Variants in SYNE1 observed in about 807,000 individuals in gnomAD.
SYNE1 encodes the protein nesprin-1.
A neutral mutation model predicts 1,111.0 loss-of-function variants in SYNE1; 616 were observed. The ratio of observed to expected loss-of-function variants is 0.55; its 90% CI spans 0.52 to 0.59. SYNE1 has a LOEUF of 0.59. Ranked by LOEUF, SYNE1 falls within the 20% of genes least tolerant of loss-of-function variation. The pLI is 0.00. For missense variants in SYNE1, 10,006 were observed against 10,417.0 expected, an observed-to-expected ratio of 0.96 and a Z score of 1.72; for synonymous variants, 3,855 against 3,825.8, an observed-to-expected ratio of 1.01 and a Z score of -0.28.
intron 3 of SYNE1, among the ~76,000 whole-genome samples, chr6:152,611,599 G>C (rs2099631565): frequency 6.6e-6 from 1 of 152,090 alleles, no homozygotes; most frequent in African/African-American, 2.4e-5. Flanking sequence ...GAGACAGAAG[G>C]TTAACAAGGA....
chr6:152,535,381 C>T lies in SYNE1; in HGVS notation c.129+4579G>A, dbSNP rs2099229836. Among the ~76,000 whole-genome samples the T allele has an allele frequency of 2.6e-5, 4 of 152,154 alleles. No homozygotes were observed. The South Asian group carries it at 8.3e-4, about 32-fold the overall frequency. On this transcript the variant is annotated intron_variant, in intron 4 of 145. Coordinates refer to ENST00000367255, the MANE Select transcript of SYNE1 (RefSeq NM_182961.4). The stretch of plus-strand genomic sequence containing the variant: ...CTGAAAAGTGAGAAGATGCTCATAT[C>T]ATGCCTGAGTTCATCCCAAACACAG...
intron 67 of SYNE1, among the ~76,000 whole-genome samples, 173 bp from the exon 68 acceptor site, chr6:152,353,917 G>C (rs758895913): frequency 9.2e-5 from 14 of 152,146 alleles, no homozygotes; most frequent in Non-Finnish European, 1.6e-4. Context: ...ACAACAATGT[G>C]ATACAAACTG....
chr6:152,131,449 T>C (rs374832743), intron 144 of SYNE1, among the ~76,000 whole-genome samples: 2 of 151,562 alleles, frequency 1.3e-5, no homozygotes, highest in African/African-American at 4.8e-5. Context: ...ATGGAATGAA[T>C]ATAATCATAA....
chr6:152,169,028 G>A (rs2064405496), intron 130 of SYNE1, among the ~76,000 whole-genome samples: 1 of 151,938 alleles, frequency 6.6e-6, no homozygotes, highest in Non-Finnish European at 1.5e-5. Flanking sequence ...AAGAAAATAA[G>A]TCCCCAAATT....
intron 14 of SYNE1, among the ~76,000 whole-genome samples, chr6:152,473,305 A>T (rs1463563076): frequency 2.6e-5 from 4 of 152,206 alleles, no homozygotes; most frequent in African/African-American, 9.6e-5. Context: ...GACCACCAAA[A>T]TAATACATTA....
chr6:152,456,402 A>G (rs1043255516), intron 22 of SYNE1, among the ~76,000 whole-genome samples: 9 of 152,126 alleles, frequency 5.9e-5, no homozygotes, highest in African/African-American at 2.2e-4. Context: ...TGAGAGAACA[A>G]TCATGAAATC....
intron 108 of SYNE1, among the ~76,000 whole-genome samples, chr6:152,238,220 A>G (rs780756075): frequency 6.6e-5 from 10 of 152,198 alleles, no homozygotes; most frequent in Non-Finnish European, 1.0e-4. Context: ...TGGTGTCATC[A>G]GGTAAGTTTC....
At chr6:152,418,934 G>T (rs2098211032) in intron 40 of SYNE1, among the ~76,000 whole-genome samples, 1 of 152,072 alleles carries the variant, frequency 6.6e-6, no homozygotes. Flanking sequence ...CCCTCCTGAA[G>T]CCCCAGCCCC....
intron 34 of SYNE1, among the ~76,000 whole-genome samples, chr6:152,431,509 A>C (rs1479907301): frequency 1.3e-5 from 2 of 152,254 alleles, no homozygotes; most frequent in East Asian, 1.9e-4. Context: ...GTGCATGTGC[A>C]CATGTGTTTA....
chr6:152,416,592 T>C lies in SYNE1; in HGVS notation c.5845A>G (p.Arg1949Gly), dbSNP rs1380889963. ...IGSSEQRTSC[R>G]ATADQLCGEV... is the part of the protein sequence containing the mutation. The stretch of plus-strand genomic sequence containing the variant: ...CCACAGAGCTGATCAGCCGTGGCTC[T>C]GCAGGAAGTCCTTTGCTCAGAGCTC... Residue 1949 changes from arginine (R) to glycine (G), a missense_variant, in exon 41 of 146, where the codon AGA becomes GGA. Arg to Gly is a moderately radical substitution (Grantham distance 125). Around this residue, in one of 7 missense-constraint regions of SYNE1, gnomAD observed 4,955 missense variants for 5,017.2 expected, o/e 0.99. Coordinates refer to ENST00000367255, the MANE Select transcript of SYNE1 (RefSeq NM_182961.4). 6.2e-7 allele frequency: 1 copy of C among 1,614,184 alleles called. No homozygotes were observed. The highest frequency in any genetic ancestry group is 1.1e-5 in the South Asian group (1 of 91,082).
chr6:152,409,102 G>A lies in SYNE1; in HGVS notation c.6506C>T (p.Thr2169Ile), dbSNP rs954031398. The stretch of plus-strand genomic sequence containing the variant: ...TTTGTCCACGGTGCTCTCCATGTCT[G>A]TTTTCACCAAGCTGAAATCACTACT... The part of the protein sequence containing the change: ...IHSSDFSLVK[T>I]DMESTVDKWL... Residue 2169 changes from threonine (T) to isoleucine (I), a missense_variant, in exon 44 of 146, where the codon ACA becomes ATA. This residue lies in a region of SYNE1 where 4,955 missense variants were observed against 5,017.2 expected (regional missense o/e 0.99). Transcript: ENST00000367255. 4 of 1,613,992 alleles carry A rather than the reference G, an allele frequency of 2.5e-6. No homozygotes were observed. Among genetic ancestry groups the A allele is most frequent in the African/African-American group, 2.7e-5 (2 of 74,936 alleles).
chr6:152,216,908 C>CA (rs2078841828), intron 121 of SYNE1, among the ~76,000 whole-genome samples: 1 of 151,398 alleles, frequency 6.6e-6, no homozygotes, highest in African/African-American at 2.4e-5. Context: ...ACTAAAAATA[C>CA]AAAAATTAGC....
intron 104 of SYNE1, among the ~76,000 whole-genome samples, chr6:152,251,210 C>A (rs2153600119): frequency 6.6e-6 from 1 of 152,054 alleles, no homozygotes; most frequent in South Asian, 2.1e-4. Flanking sequence ...CTCAGCCTCC[C>A]AAAGTGCTGG....
intron 3 of SYNE1, among the ~76,000 whole-genome samples, chr6:152,558,976 T>TTTTTTTTATTTA (rs770035712): frequency 7.1e-6 from 1 of 139,990 alleles, no homozygotes; most frequent in African/African-American, 2.7e-5. Flanking sequence ...CATATTTAAT[T>TTTTTTTTATTTA]TTTATTTATT....
intron 75 of SYNE1, among the ~76,000 whole-genome samples, chr6:152,338,958 T>G (rs1010115742): frequency 1.3e-5 from 2 of 152,044 alleles, no homozygotes; most frequent in South Asian, 4.1e-4. Context: ...ATAGGAAAAT[T>G]GAGAGAATGG....
Position 152,542,814 on chromosome 6 carries a change from A to T in SYNE1, c.68-2793T>A, listed in dbSNP as rs144518606. ...AATAAAGTTAGGTAGCGGCAAAATG[A>T]TCTTAACCAATCAAGGTAGGTTGGA... On this transcript the variant is annotated intron_variant, in intron 3 of 145. Coordinates refer to ENST00000367255, the MANE Select transcript of SYNE1 (RefSeq NM_182961.4). Among the ~76,000 whole-genome samples the T allele has an allele frequency of 4.9e-4, 75 of 152,260 alleles. 1 individual carries two copies. Among genetic ancestry groups the T allele is most frequent in the African/African-American group, 1.7e-3 (70 of 41,556 alleles).
chr6:152,231,338 C>T (rs1352853892), intron 114 of SYNE1, 53 bp downstream of exon 114: 11 of 1,595,766 alleles, frequency 6.9e-6, no homozygotes, highest in Non-Finnish European at 6.0e-6. Flanking sequence ...ACAGAGTGTG[C>T]CTGTTCTTGG....
At chr6:152,472,189 C>A in intron 15 of SYNE1, 112 bp downstream of exon 15, 1 of 885,260 alleles carries the variant, frequency 1.1e-6, no homozygotes, top group Non-Finnish European at 1.8e-6. Context: ...TTCTATTTAC[C>A]AAAGGTAGGC....
At chr6:152,321,549 C>T (rs1563047855) in intron 83 of SYNE1, among the ~76,000 whole-genome samples, 159 bp from the exon 84 acceptor site, 1 of 152,022 alleles carries the variant, frequency 6.6e-6, no homozygotes, top group Non-Finnish European at 1.5e-5. Context: ...AGTATGTTCA[C>T]TTTAAAAAAC....
Sources: allele counts gnomAD v4.1 joint callset (sites outside exome capture counted in the v4.1 genomes callset), GRCh38; gene constraint gnomAD v4.1.1; regional missense constraint gnomAD v4.1.1; transcripts MANE v1.5; gene names NCBI Gene and HGNC (gene_info 2026-07-23, HGNC 2026-07-21).